Variants in KCNIP4 observed in about 807,000 individuals in gnomAD.
KCNIP4 encodes potassium voltage-gated channel interacting protein 4.
In KCNIP4, 12 loss-of-function variants were observed where a neutral mutation model predicts 34.0. The ratio of observed to expected loss-of-function variants is 0.35; its 90% CI spans 0.23 to 0.57. The LOEUF (loss-of-function observed/expected upper bound fraction) is 0.57, where lower values mean the gene tolerates loss of function less well. Ranked by LOEUF, KCNIP4 falls within the 20% of genes least tolerant of loss-of-function variation. The probability of loss-of-function intolerance (pLI) is 0.83; values close to 1 mark genes in which losing one functional copy is unlikely to be tolerated. For missense variants in KCNIP4, 238 were observed against 311.7 expected, an observed-to-expected ratio of 0.76 and a Z score of 1.78; for synonymous variants, 124 against 102.2, an observed-to-expected ratio of 1.21 and a Z score of -1.29.
At chr4:21,463,853 G>C (rs79906220) in intron 1 of KCNIP4, among the ~76,000 whole-genome samples, 7,590 of 152,050 alleles carry the variant, frequency 0.05, 264 homozygotes, top group African/African-American at 0.09. Context: ...TTTAAGTTGT[G>C]GGAAATGTTT....
chr4:21,002,952 C>T (rs1738263996), intron 1 of KCNIP4, among the ~76,000 whole-genome samples: 2 of 152,190 alleles, frequency 1.3e-5, no homozygotes, highest in African/African-American at 4.8e-5. Context: ...TTACCTGACA[C>T]TGGTATAAAC....
At chr4:21,742,099 T>C (rs1420706834) in intron 1 of KCNIP4, among the ~76,000 whole-genome samples, 2 of 152,046 alleles carry the variant, frequency 1.3e-5, no homozygotes, top group African/African-American at 2.4e-5. Context: ...TTCTTCTCCA[T>C]AAATAAAAAA....
At chr4:21,009,828 C>G (rs1738913585) in intron 1 of KCNIP4, among the ~76,000 whole-genome samples, 1 of 152,194 alleles carries the variant, frequency 6.6e-6, no homozygotes, top group Non-Finnish European at 1.5e-5. Context: ...GGGAAAAATT[C>G]CGTTCACCTT....
intron 1 of KCNIP4, among the ~76,000 whole-genome samples, chr4:21,142,271 T>C (rs1752023083): frequency 6.6e-6 from 1 of 152,094 alleles, no homozygotes; most frequent in African/African-American, 2.4e-5. Flanking sequence ...AAGGAGCTTC[T>C]GTATTATTTG....
intron 1 of KCNIP4, among the ~76,000 whole-genome samples, chr4:21,168,780 A>G (rs540596524): frequency 1.3e-5 from 2 of 152,338 alleles, no homozygotes; most frequent in South Asian, 4.1e-4. Flanking sequence ...TAGCAACAGC[A>G]TATCTGCCTC....
intron 1 of KCNIP4, among the ~76,000 whole-genome samples, chr4:21,265,659 C>T (rs965006205): frequency 6.6e-6 from 1 of 152,110 alleles, no homozygotes; most frequent in African/African-American, 2.4e-5. Flanking sequence ...AAGTTATTGA[C>T]CTCTGAGGCA....
intron 1 of KCNIP4, among the ~76,000 whole-genome samples, chr4:20,917,048 T>C (rs1249399273): frequency 1.8e-5 from 2 of 109,538 alleles, no homozygotes; most frequent in Non-Finnish European, 3.6e-5. Context: ...TATATATATA[T>C]ATAAAATTGA....
chr4:21,299,887 G>T (rs1026061676), intron 1 of KCNIP4, among the ~76,000 whole-genome samples: 1 of 152,050 alleles, frequency 6.6e-6, no homozygotes, highest in Non-Finnish European at 1.5e-5. Flanking sequence ...AGCCTCTTGG[G>T]GGAAGCTTGT....
chr4:21,064,451 T>C (rs1048514665), intron 1 of KCNIP4, among the ~76,000 whole-genome samples: 18 of 151,972 alleles, frequency 1.2e-4, no homozygotes, highest in African/African-American at 4.1e-4. Flanking sequence ...TAACAATTAA[T>C]AGTATGTACA....
chr4:21,127,786 T>C (rs1388616706), intron 1 of KCNIP4, among the ~76,000 whole-genome samples: 1 of 152,246 alleles, frequency 6.6e-6, no homozygotes, highest in African/African-American at 2.4e-5. Context: ...CCCATTTAGA[T>C]TCCATTGTTC....
At chr4:20,848,414 A>G (rs1458914641) in intron 3 of KCNIP4, among the ~76,000 whole-genome samples, 4 of 152,022 alleles carry the variant, frequency 2.6e-5, no homozygotes, top group African/African-American at 9.7e-5. Flanking sequence ...GAAGGATTAA[A>G]AAAGGGGAAA....
chr4:20,885,287 A>C (rs1013733219), intron 1 of KCNIP4, among the ~76,000 whole-genome samples: 1 of 149,064 alleles, frequency 6.7e-6, no homozygotes, highest in African/African-American at 2.5e-5. Context: ...AGGTCATGAG[A>C]TTCATAACTT....
intron 1 of KCNIP4, among the ~76,000 whole-genome samples, chr4:21,067,276 T>C (rs1004076541): frequency 5.9e-5 from 9 of 152,122 alleles, no homozygotes; most frequent in Admixed American, 5.2e-4. Flanking sequence ...GCCTCTGATC[T>C]TGGGTGAGAC....
chr4:21,436,544 T>A (rs894802102), intron 1 of KCNIP4, among the ~76,000 whole-genome samples: 1 of 152,326 alleles, frequency 6.6e-6, no homozygotes, highest in South Asian at 2.1e-4. Context: ...CACATCTCCA[T>A]TCAGGTAAAG....
intron 1 of KCNIP4, among the ~76,000 whole-genome samples, chr4:21,862,572 T>C (rs1725137006): frequency 6.6e-6 from 1 of 152,134 alleles, no homozygotes; most frequent in Non-Finnish European, 1.5e-5. Context: ...CAAAGCTTCA[T>C]CGAGAAAGTG....
chr4:21,391,869 G>T (rs1722593363), intron 1 of KCNIP4, among the ~76,000 whole-genome samples: 1 of 152,082 alleles, frequency 6.6e-6, no homozygotes, highest in Non-Finnish European at 1.5e-5. Context: ...TTCCTGATGT[G>T]TACAAAGTAA....
At chr4:21,793,888 T>A (rs1720452156) in intron 1 of KCNIP4, among the ~76,000 whole-genome samples, 1 of 152,168 alleles carries the variant, frequency 6.6e-6, no homozygotes, top group African/African-American at 2.4e-5. Context: ...CCAACCCAAA[T>A]GTCCATCAAT....
chr4:21,284,130 G>A (rs776369737), intron 1 of KCNIP4, among the ~76,000 whole-genome samples: 20 of 151,504 alleles, frequency 1.3e-4, no homozygotes, highest in Non-Finnish European at 2.8e-4. Context: ...GGAGAATGGT[G>A]TGAACCCAGG....
At chr4:21,926,642 T>C (rs1729263798) in intron 1 of KCNIP4, among the ~76,000 whole-genome samples, 1 of 152,166 alleles carries the variant, frequency 6.6e-6, no homozygotes, top group Admixed American at 6.6e-5. Flanking sequence ...TCAAGCAATC[T>C]GTCTTCCTAT....
Sources: gnomAD v4.1 joint callset for allele counts (sites outside exome capture counted in the v4.1 genomes callset) on GRCh38, gnomAD v4.1.1 for gene constraint, MANE v1.5 for transcripts, NCBI Gene and HGNC (gene_info 2026-07-23, HGNC 2026-07-21) for gene names.